Variants in C16orf96 observed in about 807,000 individuals in gnomAD.
C16orf96 encodes the protein chromosome 16 open reading frame 96.
In C16orf96, 108 loss-of-function variants were observed where a neutral mutation model predicts 103.6. That is an observed-to-expected ratio of 1.04 (90% CI 0.89 to 1.22). C16orf96 has a LOEUF of 1.22. C16orf96 is among the 50% of genes most tolerant of loss of function. The pLI is 0.00. For synonymous variants in C16orf96, 566 were observed against 593.5 expected (o/e 0.95, Z 0.67); for missense variants, 1,586 against 1,464.2 (o/e 1.08, Z -1.36).
At chr16:4,557,361 C>G (rs1389890713) in intron 1 of C16orf96, among the ~76,000 whole-genome samples, 3 of 152,110 alleles carry the variant, frequency 2.0e-5, no homozygotes, top group Non-Finnish European at 4.4e-5. Context: ...CAGGCACAAC[C>G]AAAACGCCAA....
upstream of C16orf96, among the ~76,000 whole-genome samples, chr16:4,553,035 G>A (rs991650989): frequency 6.6e-6 from 1 of 152,154 alleles, no homozygotes; most frequent in African/African-American, 2.4e-5. Context: ...AGACAGAGAA[G>A]AAAGAGAAGG....
At chr16:4,580,960 A>G (rs564195428) in intron 7 of C16orf96, among the ~76,000 whole-genome samples, 1 of 151,736 alleles carries the variant, frequency 6.6e-6, no homozygotes, top group South Asian at 2.1e-4. Flanking sequence ...CCCTGTCTCT[A>G]CTAAAAATAC....
At position 4,574,825 on chromosome 16, in the gene C16orf96, CT is replaced by C. The variant is rs560225616; in HGVS notation, c.606+37del. 6.3e-3 allele frequency: 9,795 copies of C among 1,546,456 alleles called. 52 individuals carry two copies. Among genetic ancestry groups the C allele is most frequent in the Middle Eastern group, 7.0e-3 (42 of 5,974 alleles). ...CCATCCCTGTCTTCCCCCACTCCCC[CT>C]GGGACCCCCCAACCTCCCGGGTCCT... On this transcript the variant is annotated intron_variant, in intron 3 of 15. Coordinates refer to ENST00000444310, the MANE Select transcript of C16orf96 (RefSeq NM_001145011.2).
At chr16:4,568,038 A>T (rs1306963916) in intron 1 of C16orf96, among the ~76,000 whole-genome samples, 1 of 152,062 alleles carries the variant, frequency 6.6e-6, no homozygotes, top group Non-Finnish European at 1.5e-5. Flanking sequence ...AGCCCTGTCT[A>T]TGGGAGCCAT....
intron 1 of C16orf96, among the ~76,000 whole-genome samples, chr16:4,570,880 G>C (rs779524435): frequency 4.6e-5 from 7 of 152,162 alleles, no homozygotes; most frequent in Non-Finnish European, 1.0e-4. Context: ...ACAGGAGCCC[G>C]AGAGATCCTT....
chr16:4,552,454 C>T (rs1299114463), upstream of C16orf96, among the ~76,000 whole-genome samples: 1 of 148,110 alleles, frequency 6.8e-6, no homozygotes, highest in Non-Finnish European at 1.5e-5. Flanking sequence ...TGCACTCCAG[C>T]CTGGGCGACA....
rs1221731024 is a variant in C16orf96, at chr16:4,575,681, A to C, written c.1201A>C (p.Arg401=). The C allele has an allele frequency of 6.5e-7, 1 of 1,535,846 alleles. No homozygotes were observed. Among genetic ancestry groups the C allele is most frequent in the Admixed American group, 2.0e-5 (1 of 49,022 alleles). ...RRWPLPQGWP[R]VGSWPLWDLG... is the part of the protein sequence containing the mutation. ...CTGGCCTCTTCCCCAAGGCTGGCCC[A>C]GGGTGGGCTCTTGGCCTCTGTGGGA... The change falls in exon 5 of 16, where the codon AGG becomes CGG. Residue 401 remains arginine (R), a synonymous_variant. Transcript: ENST00000444310.
the C16orf96 span, among the ~76,000 whole-genome samples, chr16:4,546,922 A>G: frequency 6.6e-6 from 1 of 152,234 alleles, no homozygotes; most frequent in African/African-American, 2.4e-5. Context: ...GAACACTCTG[A>G]GTGAAAGAAG....
chr16:4,547,165 C>T, the C16orf96 span, among the ~76,000 whole-genome samples: 11 of 152,174 alleles, frequency 7.2e-5, no homozygotes, highest in Non-Finnish European at 1.2e-4. Flanking sequence ...GACAGCGTCT[C>T]GCTCTGTCGC....
chr16:4,563,443 C>T (rs912207920), intron 1 of C16orf96, among the ~76,000 whole-genome samples: 1 of 152,168 alleles, frequency 6.6e-6, no homozygotes, highest in Admixed American at 6.5e-5. Context: ...TTTGTAGAGA[C>T]AGGGTGTTGC....
intron 5 of C16orf96, among the ~76,000 whole-genome samples, chr16:4,578,550 G>A (rs1442980162): frequency 2.6e-5 from 4 of 152,098 alleles, no homozygotes; most frequent in South Asian, 2.1e-4. Flanking sequence ...ACGAGGTCAA[G>A]AGATCGAGAC....
intron 5 of C16orf96, among the ~76,000 whole-genome samples, chr16:4,578,048 T>C (rs1398416189): frequency 6.6e-6 from 1 of 152,142 alleles, no homozygotes; most frequent in East Asian, 1.9e-4. Context: ...AGTTCAAGAC[T>C]GCACTGGGTT....
intron 1 of C16orf96, among the ~76,000 whole-genome samples, chr16:4,558,154 C>G (rs967638644): frequency 6.6e-6 from 1 of 152,196 alleles, no homozygotes; most frequent in Non-Finnish European, 1.5e-5. Flanking sequence ...AGGAAACTGA[C>G]GCTCAGAGGA....
At position 4,575,237 on chromosome 16, in the gene C16orf96, G is replaced by C. The variant is rs2059487427; in HGVS notation, c.757G>C (p.Ala253Pro). ...SVEQLPEAALAQTTKYLEATR... is the reference protein window; with the variant it reads ...SVEQLPEAALPQTTKYLEATR... ...AGAGCAGCTCCCAGAGGCTGCCCTG[G>C]CCCAGACCACCAAGTACCTTGAAGC... Residue 253 changes from alanine (A) to proline (P), a missense_variant, in exon 5 of 16, where the codon GCC becomes CCC. Transcript: ENST00000444310. 6.5e-7 allele frequency: 1 copy of C among 1,548,408 alleles called. No homozygotes were observed. The highest frequency in any genetic ancestry group is 1.4e-5 in the African/African-American group (1 of 73,046).
chr16:4,556,547 G>C lies in C16orf96; in HGVS notation c.58G>C (p.Val20Leu), dbSNP rs1210995360. Residue 20 changes from valine to leucine, a missense_variant, in exon 1 of 16, where the codon GTG becomes CTG. Coordinates refer to ENST00000444310, the MANE Select transcript of C16orf96 (RefSeq NM_001145011.2). ...LANIAIPQCG[V>L]LNFKALHLLL... ...CAACATCGCCATCCCACAGTGCGGG[G>C]TGCTGAACTTCAAGGCCCTGCACCT... The C allele has an allele frequency of 5.2e-6, 8 of 1,550,944 alleles. No homozygotes were observed. In the African/African-American group the frequency reaches 1.1e-4, roughly 21 times the overall value.
At chr16:4,581,627 C>T (rs957185905) in intron 7 of C16orf96, among the ~76,000 whole-genome samples, 2 of 150,918 alleles carry the variant, frequency 1.3e-5, no homozygotes, top group Admixed American at 1.3e-4. Flanking sequence ...AGCAAGACTC[C>T]GTCTCAAAAA....
rs1231764809 is a variant in C16orf96 at position 4,593,680 on chromosome 16, T to C, written c.2867+364T>C. Among the ~76,000 whole-genome samples the C allele has an allele frequency of 6.6e-6, 1 of 152,164 alleles. No individual in the cohort carries two copies. The highest frequency in any genetic ancestry group is 1.5e-5 in the Non-Finnish European group (1 of 68,026). On this transcript the variant is annotated intron_variant, in intron 12 of 15. Transcript: ENST00000444310. The surrounding 1 kb of genome is among the most constrained non-coding windows in gnomAD (Gnocchi z 4.2). ...GGGAACCCTCAGGGAGCCGCTGCTG[T>C]GCCCGGCAGGCACTGTGCCAAGCGC...
Position 4,556,671 on chromosome 16 carries a change from T to C in C16orf96, c.182T>C (p.Met61Thr). 4 of 1,551,496 alleles carry C rather than the reference T, an allele frequency of 2.6e-6. No homozygotes were observed. Among genetic ancestry groups the C allele is most frequent in the Non-Finnish European group, 3.5e-6 (4 of 1,146,778 alleles). The change falls in exon 1 of 16, where the codon ATG (methionine) becomes ACG (threonine). Residue 61 changes from methionine to threonine, a missense_variant. Met to Thr is a moderately conservative substitution (Grantham distance 81, BLOSUM62 -1). Coordinates refer to ENST00000444310, the MANE Select transcript of C16orf96 (RefSeq NM_001145011.2). ...DFLQTSQVVI[M>T]PREGDAQPIL... ...CTGCAGACCTCGCAGGTGGTCATCA[T>C]GCCCAGGGAAGGAGACGCCCAGCCT...
rs1278545511 is a variant in C16orf96 at position 4,600,237 on chromosome 16, G to C, written c.3346G>C (p.Gly1116Arg). The C allele has an allele frequency of 6.4e-7, 1 of 1,551,550 alleles. No homozygotes were observed. Among genetic ancestry groups the C allele is most frequent in the South Asian group, 1.2e-5 (1 of 84,052 alleles). The change falls in exon 16 of 16, where the codon GGG (glycine) becomes CGG (arginine). Residue 1116 changes from glycine (G) to arginine (R), a missense_variant. Coordinates refer to ENST00000444310, the MANE Select transcript of C16orf96 (RefSeq NM_001145011.2). ...PSLRDPQQAP[G>R]STRLSRAPHI... is the part of the protein sequence containing the mutation. ...CCTAAGGGACCCCCAGCAGGCCCCA[G>C]GGTCCACCAGGCTCTCAAGAGCTCC...
Sources: gnomAD v4.1 joint callset for allele counts (sites outside exome capture counted in the v4.1 genomes callset) on GRCh38, gnomAD v4.1.1 for gene constraint, Gnocchi (gnomAD v3.1) non-coding constraint, MANE v1.5 for transcripts, NCBI Gene and HGNC (gene_info 2026-07-23, HGNC 2026-07-21) for gene names.